ADGRD1: variants seen among roughly 807,000 people sequenced by gnomAD.
The protein encoded by ADGRD1 is G-protein coupled receptor 133.
Under a neutral mutation model 113.4 loss-of-function variants are expected in ADGRD1, and 77 were observed. That is an observed-to-expected ratio of 0.68 (90% CI 0.57 to 0.82). The LOEUF (loss-of-function observed/expected upper bound fraction) is 0.82. Ranked by LOEUF, ADGRD1 falls within the 40% of genes least tolerant of loss-of-function variation. The probability of loss-of-function intolerance (pLI) is 0.00; values close to 1 mark genes in which losing one functional copy is unlikely to be tolerated. For missense variants in ADGRD1, 1,036 were observed against 1,139.1 expected, an observed-to-expected ratio of 0.91 and a Z score of 1.30; for synonymous variants, 474 against 475.0, an observed-to-expected ratio of 1.00 and a Z score of 0.03.
chr12:131,088,827 G>A (rs1179984510), intron 15 of ADGRD1, among the ~76,000 whole-genome samples: 2 of 152,214 alleles, frequency 1.3e-5, no homozygotes, highest in East Asian at 3.9e-4. Flanking sequence ...TTTCTCCCAC[G>A]AAATCTTCTG....
At chr12:131,082,452 C>T (rs550685421) in intron 14 of ADGRD1, among the ~76,000 whole-genome samples, 11 of 152,290 alleles carry the variant, frequency 7.2e-5, no homozygotes, top group South Asian at 2.1e-4. Context: ...ACTAGGTCAT[C>T]GTCACACCTT....
intron 13 of ADGRD1, among the ~76,000 whole-genome samples, chr12:131,068,956 C>T (rs1324411705): frequency 2.6e-5 from 4 of 152,224 alleles, no homozygotes; most frequent in African/African-American, 7.2e-5. Context: ...GGCAGGTAAA[C>T]GTGTTCATTC....
intron 20 of ADGRD1, 75 bp downstream of exon 20, chr12:131,120,988 T>C (rs577526132): frequency 1.5e-6 from 2 of 1,359,618 alleles, no homozygotes; most frequent in African/African-American, 1.4e-5. Context: ...GCTCTGGAGA[T>C]GGCGGGGGGC....
intron 7 of ADGRD1, among the ~76,000 whole-genome samples, chr12:130,992,029 G>C (rs148278106): frequency 9.2e-5 from 14 of 151,684 alleles, no homozygotes; most frequent in Middle Eastern, 3.4e-3. Flanking sequence ...GCTGAGGCAA[G>C]AGACTCGCTT....
intron 9 of ADGRD1, among the ~76,000 whole-genome samples, chr12:131,001,808 GT>G (rs1876425833): frequency 1.3e-5 from 2 of 152,192 alleles, no homozygotes; most frequent in Non-Finnish European, 2.9e-5. Flanking sequence ...GCCCAGAAGG[GT>G]CCCAACCACA....
chr12:131,129,436 G>C (rs1335365114), intron 20 of ADGRD1, among the ~76,000 whole-genome samples: 9 of 106,468 alleles, frequency 8.5e-5, no homozygotes, highest in African/African-American at 1.3e-4. Flanking sequence ...CCGCCCTGCT[G>C]TCTGGGTGTG....
intron 13 of ADGRD1, among the ~76,000 whole-genome samples, chr12:131,038,408 C>G (rs1363872517): frequency 6.6e-6 from 1 of 152,244 alleles, no homozygotes; most frequent in Admixed American, 6.5e-5. Flanking sequence ...TAGGCATCCA[C>G]TCTGGTTTGG....
At chr12:131,123,305 A>C (rs1950651246) in intron 20 of ADGRD1, among the ~76,000 whole-genome samples, 1 of 149,998 alleles carries the variant, frequency 6.7e-6, no homozygotes, top group African/African-American at 2.4e-5. Flanking sequence ...TCGGCCTCCC[A>C]AAGTGCTGGG....
chr12:131,002,475 T>C (rs1876509771), intron 9 of ADGRD1: 2 of 982,658 alleles, frequency 2.0e-6, no homozygotes, highest in African/African-American at 3.5e-5. Context: ...TGCTGAGGAC[T>C]TAGCAGCAGG....
At chr12:131,109,265 T>C (rs1193359122) in intron 18 of ADGRD1, among the ~76,000 whole-genome samples, 1 of 152,270 alleles carries the variant, frequency 6.6e-6, no homozygotes, top group Non-Finnish European at 1.5e-5. Flanking sequence ...TAATTTCTGC[T>C]TCAATCTTCA....
chr12:130,969,307 C>T (rs1396950289), intron 3 of ADGRD1: 3 of 484,128 alleles, frequency 6.2e-6, no homozygotes, highest in Non-Finnish European at 1.1e-5. Flanking sequence ...CACAGACTGG[C>T]AGCAATCCGT....
chr12:131,110,112 G>A (rs1310219885), intron 18 of ADGRD1, among the ~76,000 whole-genome samples: 2 of 144,698 alleles, frequency 1.4e-5, no homozygotes, highest in African/African-American at 4.9e-5. Context: ...TATATCTCCT[G>A]TAAACAGAAT....
At chr12:131,080,682 A>C (rs1375719584) in intron 14 of ADGRD1, among the ~76,000 whole-genome samples, 2 of 152,122 alleles carry the variant, frequency 1.3e-5, no homozygotes, top group African/African-American at 4.8e-5. Context: ...GTGCAGTGGC[A>C]TGGTCTCGGC....
chr12:131,017,824 G>A (rs1283772900), intron 13 of ADGRD1, among the ~76,000 whole-genome samples: 1 of 145,400 alleles, frequency 6.9e-6, no homozygotes. Flanking sequence ...CACACACCCA[G>A]TCCACACACA....
intron 17 of ADGRD1, 107 bp from the exon 18 acceptor site, chr12:131,108,617 A>G: frequency 1.4e-6 from 2 of 1,480,368 alleles, no homozygotes; most frequent in Non-Finnish European, 1.9e-6. Context: ...ACATGGTCAC[A>G]TGACCAAAAG....
At chr12:130,956,008 C>A (rs1341152552) in intron 2 of ADGRD1, among the ~76,000 whole-genome samples, 1 of 152,210 alleles carries the variant, frequency 6.6e-6, no homozygotes, top group Non-Finnish European at 1.5e-5. Context: ...AGGCTGGTCT[C>A]GATCTCCTGA....
chr12:131,092,882 C>CT (rs71451397), intron 15 of ADGRD1, among the ~76,000 whole-genome samples: 31,780 of 143,570 alleles, frequency 0.22, 3,369 homozygotes, highest in Middle Eastern at 0.33. Context: ...TTTGGGATTT[C>CT]TTTTTTTTTT....
In ADGRD1 at chr12:131,105,756, C is replaced by G. The variant is rs1445986260; in HGVS notation, c.1778C>G (p.Ser593Cys). 9 of 1,600,350 alleles carry G rather than the reference C, an allele frequency of 5.6e-6. No homozygotes were observed. Among genetic ancestry groups the G allele is most frequent in the African/African-American group, 1.3e-5 (1 of 74,932 alleles). The change falls in exon 17 of 25, where the codon TCC becomes TGC. Residue 593 changes from serine to cysteine, a missense_variant and splice_region_variant. Physicochemically the swap from Ser to Cys is moderately radical, Grantham distance 112. Transcript: ENST00000261654. ...TCACACCCTGCCTCTGTCCTCAGCT[C>G]CGTGAGCACCATCCGGAACCAGCGC... ...ATLVTFAVLS[S>C]VSTIRNQRYH...
chr12:131,046,834 CCCTCCCTGGTCAGTGT>C (rs1312484037), intron 13 of ADGRD1, among the ~76,000 whole-genome samples: 38 of 121,984 alleles, frequency 3.1e-4, no homozygotes, highest in African/African-American at 8.0e-4. Flanking sequence ...GGTGAGTGCT[CCCTCCCTGGTCAGTGT>C]CCTCCCTGGT....
Sources: allele counts gnomAD v4.1 joint callset (sites outside exome capture counted in the v4.1 genomes callset), GRCh38; gene constraint gnomAD v4.1.1; transcripts MANE v1.5; gene names NCBI Gene and HGNC (gene_info 2026-07-23, HGNC 2026-07-21).